The following CHD9 variants were observed in gnomAD, a reference collection of about 807,000 sequenced individuals.
CHD9 encodes chromodomain helicase DNA binding protein 9.
Under a neutral mutation model 316.1 loss-of-function variants are expected in CHD9, and 77 were observed. The ratio of observed to expected loss-of-function variants is 0.24; its 90% CI spans 0.20 to 0.29. CHD9 has a LOEUF of 0.29. Ranked by LOEUF, CHD9 falls within the 10% of genes least tolerant of loss-of-function variation. The pLI, the probability that CHD9 is intolerant of heterozygous loss-of-function variation, is 1.00. For missense variants in CHD9, 2,763 were observed against 3,438.1 expected (o/e 0.80, Z 4.91); for synonymous variants, 1,129 against 1,158.3 (o/e 0.97, Z 0.51).
chr16:53,205,556 GTTAC>G (rs2045830841), intron 2 of CHD9, among the ~76,000 whole-genome samples: 1 of 152,294 alleles, frequency 6.6e-6, no homozygotes, highest in African/African-American at 2.4e-5. Flanking sequence ...AAAATGTTCA[GTTAC>G]TTAACACCTC....
chr16:53,061,137 G>C lies in CHD9; in HGVS notation c.-165+6060G>C, dbSNP rs867776057. Among the ~76,000 whole-genome samples, 17 of 152,128 alleles carry C rather than the reference G, an allele frequency of 1.1e-4. No homozygotes were observed. In the East Asian group the frequency reaches 2.7e-3, roughly 24 times the overall value. On this transcript the variant is annotated intron_variant, in intron 1 of 38. Transcript: ENST00000447540. The stretch of plus-strand genomic sequence containing the variant: ...AGATGGGGTTTCGCCATGTTGGCCA[G>C]GCTGGTCTCGAACTCCTGACCTCAG...
chr16:53,135,562 G>A (rs2039652354), intron 1 of CHD9, among the ~76,000 whole-genome samples: 1 of 152,094 alleles, frequency 6.6e-6, no homozygotes, highest in Non-Finnish European at 1.5e-5. Flanking sequence ...CCTGGTTCCT[G>A]GCTTGAGAAA....
At position 53,254,258 on chromosome 16, in the gene CHD9, A is replaced by G. The variant is rs141673756; in HGVS notation, c.3862-180A>G. Among the ~76,000 whole-genome samples, 1,436 of 152,222 alleles carry G rather than the reference A, an allele frequency of 9.4e-3. 15 individuals carry two copies. The highest frequency in any genetic ancestry group is 0.013 in the Non-Finnish European group (884 of 67,998). ...TTATAAACCTAAATTTTAACTTACT[A>G]CTGATTGTGGGATTATTTCTCATTG... On this transcript the variant is annotated intron_variant, in intron 17 of 38. Transcript: ENST00000447540.
At chr16:53,117,975 G>A (rs1319351657) in intron 1 of CHD9, among the ~76,000 whole-genome samples, 1 of 151,586 alleles carries the variant, frequency 6.6e-6, no homozygotes, top group South Asian at 2.1e-4. Context: ...ACAGGCACCC[G>A]CCACCACGCC....
At chr16:53,170,040 TTTTTTTTTG>T (rs1567414536) in intron 2 of CHD9, among the ~76,000 whole-genome samples, 1 of 79,490 alleles carries the variant, frequency 1.3e-5, no homozygotes, top group African/African-American at 4.6e-5. Context: ...GGTTAAGCAG[TTTTTTTTTG>T]TTTTTTTTTG....
chr16:53,293,794 T>C (rs1171556874), intron 29 of CHD9, among the ~76,000 whole-genome samples: 1 of 151,880 alleles, frequency 6.6e-6, no homozygotes, highest in Non-Finnish European at 1.5e-5. Context: ...CTACTAAAAA[T>C]ACAAAAATTA....
intron 10 of CHD9, among the ~76,000 whole-genome samples, chr16:53,234,667 C>A (rs932482187): frequency 8.6e-5 from 13 of 151,858 alleles, no homozygotes; most frequent in African/African-American, 2.9e-4. Context: ...GTCTTGAACT[C>A]CTAATCTCAA....
intron 2 of CHD9, among the ~76,000 whole-genome samples, chr16:53,164,634 T>C (rs1249669973): frequency 7.1e-6 from 1 of 140,640 alleles, no homozygotes; most frequent in South Asian, 2.4e-4. Flanking sequence ...TGTTTTTTGT[T>C]TTTTTTTTGG....
Position 53,156,495 on chromosome 16 carries a change from C to T in CHD9, c.406C>T (p.Gln136Ter). 1 of 1,613,918 alleles carries T rather than the reference C, an allele frequency of 6.2e-7. No individual in the cohort carries two copies. The highest frequency in any genetic ancestry group is 8.5e-7 in the Non-Finnish European group (1 of 1,179,842). The change falls in exon 2 of 39, where the codon CAA (glutamine) becomes TAA (stop). Residue 136 changes from glutamine to a stop codon, truncating the protein, a stop_gained. Coordinates refer to ENST00000447540, the MANE Select transcript of CHD9 (RefSeq NM_001308319.2). LOFTEE classifies it high-confidence loss of function. The part of the protein sequence containing the change: ...GHQTATTISN[Q>*]NGSPFHQQGH... Reference sequence around the variant, plus strand: ...TCAGACAGCTACTACCATTTCAAATCAAAATGGATCTCCTTTTCACCAACA... The same window carrying T: ...TCAGACAGCTACTACCATTTCAAATTAAAATGGATCTCCTTTTCACCAACA...
At chr16:53,057,376 G>A (rs373423109) in intron 1 of CHD9, among the ~76,000 whole-genome samples, 4 of 151,460 alleles carry the variant, frequency 2.6e-5, no homozygotes, top group Non-Finnish European at 2.9e-5. Context: ...AAAAAAGGCC[G>A]GGTGCAGTGG....
At chr16:53,244,003 G>A (rs1567547885) in intron 13 of CHD9, among the ~76,000 whole-genome samples, 1 of 152,042 alleles carries the variant, frequency 6.6e-6, no homozygotes, top group East Asian at 1.9e-4. Context: ...ATCTTTCTGG[G>A]CCATTTGCTG....
chr16:53,085,344 C>T (rs911462373), intron 1 of CHD9, among the ~76,000 whole-genome samples: 10 of 152,028 alleles, frequency 6.6e-5, no homozygotes, highest in African/African-American at 2.4e-4. Flanking sequence ...GGATTACCCC[C>T]AGACCCAGCC....
At chr16:53,308,634 A>G in intron 33 of CHD9, 52 bp from the exon 34 acceptor site, 2 of 1,391,092 alleles carry the variant, frequency 1.4e-6, no homozygotes, top group Non-Finnish European at 2.0e-6. Context: ...AATATCCTGC[A>G]ATAAGATTTT....
At chr16:53,226,278 A>G (rs2047647998) in intron 4 of CHD9, 88 bp from the exon 5 acceptor site, 1 of 828,902 alleles carries the variant, frequency 1.2e-6, no homozygotes, top group Non-Finnish European at 1.8e-6. Context: ...AATTTAATAT[A>G]CAAAATTGCC....
At chr16:53,321,363 A>G (rs1169654970) in intron 37 of CHD9, 163 bp from the exon 38 acceptor site, 1 of 1,397,500 alleles carries the variant, frequency 7.2e-7, no homozygotes, top group Non-Finnish European at 9.3e-7. Context: ...TCAGTAGTCC[A>G]TAGGGTCACG....
intron 2 of CHD9, among the ~76,000 whole-genome samples, chr16:53,180,258 C>T (rs1372868735): frequency 2.0e-5 from 3 of 152,004 alleles, no homozygotes; most frequent in African/African-American, 2.4e-5. Flanking sequence ...CCACCTTCCT[C>T]GGCCTCCCAA....
chr16:53,301,098 A>G (rs2055360589), intron 30 of CHD9, among the ~76,000 whole-genome samples: 1 of 152,156 alleles, frequency 6.6e-6, no homozygotes, highest in African/African-American at 2.4e-5. Flanking sequence ...ACAAAACAAA[A>G]CATTATTCAC....
chr16:53,288,526 T>G (rs1402327273), intron 27 of CHD9, among the ~76,000 whole-genome samples: 2 of 152,066 alleles, frequency 1.3e-5, no homozygotes, highest in African/African-American at 2.4e-5. Context: ...TTAAAAGAGA[T>G]GAGGAATGTC....
At chr16:53,254,414 A>T (rs766346554) in intron 17 of CHD9, 24 bp from the exon 18 acceptor site, 8 of 1,514,170 alleles carry the variant, frequency 5.3e-6, no homozygotes, top group Non-Finnish European at 7.1e-6. Flanking sequence ...AACTAATTAA[A>T]TATGTAACTT....
Sources: allele counts gnomAD v4.1 joint callset (sites outside exome capture counted in the v4.1 genomes callset), GRCh38; gene constraint gnomAD v4.1.1; transcripts MANE v1.5; gene names NCBI Gene and HGNC (gene_info 2026-07-23, HGNC 2026-07-21).